The following MEGF9 variants were observed in gnomAD, a reference collection of about 807,000 sequenced individuals.
MEGF9 encodes multiple epidermal growth factor-like domains protein 9.
A neutral mutation model predicts 46.8 loss-of-function variants in MEGF9; 6 were observed. That is an observed-to-expected ratio of 0.13 (90% confidence interval 0.07 to 0.25). The LOEUF is 0.25. Ranked by LOEUF, MEGF9 falls within the 10% of genes least tolerant of loss-of-function variation. The probability of loss-of-function intolerance (pLI) is 1.00; values close to 1 mark genes in which losing one functional copy is unlikely to be tolerated. For synonymous variants in MEGF9, 302 were observed against 330.7 expected (o/e 0.91, Z 0.94); for missense variants, 683 against 792.4 (o/e 0.86, Z 1.66).
intron 2 of MEGF9, among the ~76,000 whole-genome samples, chr9:120,640,383 A>C (rs978393089): frequency 1.3e-4 from 20 of 151,892 alleles, no homozygotes; most frequent in African/African-American, 4.8e-4. Context: ...GCCTAGCCAC[A>C]CTATCTGAAA....
intron 1 of MEGF9, among the ~76,000 whole-genome samples, chr9:120,688,585 T>C (rs2043834740): frequency 6.6e-6 from 1 of 152,220 alleles, no homozygotes; most frequent in Admixed American, 6.5e-5. Context: ...CACAATTAGT[T>C]ACTTAAATAG....
chr9:120,691,417 T>G (rs1453814959), intron 1 of MEGF9: 1 of 489,370 alleles, frequency 2.0e-6, no homozygotes, highest in Admixed American at 2.3e-5. Context: ...TACGTTACTC[T>G]CACAGGCATA....
At chr9:120,680,861 C>G (rs1182468146) in intron 1 of MEGF9, among the ~76,000 whole-genome samples, 1 of 152,140 alleles carries the variant, frequency 6.6e-6, no homozygotes, top group Non-Finnish European at 1.5e-5. Context: ...ATTTAAGGCC[C>G]AAGGGCTCTT....
Position 120,614,377 on chromosome 9 carries a change from A to G in MEGF9, c.944-1838T>C, listed in dbSNP as rs560694670. ...GATACCTTCAAAAGTTTATGTGAAC[A>G]CTTAACATTAAATCAAACTTGTATG... On this transcript the variant is annotated intron_variant, in intron 3 of 5. Coordinates refer to ENST00000373930, the MANE Select transcript of MEGF9 (RefSeq NM_001080497.3). Among the ~76,000 whole-genome samples the G allele has an allele frequency of 3.3e-5, 5 of 152,332 alleles. No homozygotes were observed. In the South Asian group the frequency reaches 8.3e-4, roughly 25 times the overall value.
chr9:120,642,906 C>A (rs564455307), intron 2 of MEGF9, among the ~76,000 whole-genome samples: 20 of 152,204 alleles, frequency 1.3e-4, no homozygotes, highest in African/African-American at 4.3e-4. Flanking sequence ...GTAGAAAACC[C>A]CAAACTGAAA....
chr9:120,697,543 T>C (rs1403553140), intron 1 of MEGF9, among the ~76,000 whole-genome samples: 1 of 152,192 alleles, frequency 6.6e-6, no homozygotes, highest in Non-Finnish European at 1.5e-5. Context: ...TTTCACAGTA[T>C]GTGGTATTAC....
chr9:120,621,755 C>A (rs574116816), intron 3 of MEGF9, among the ~76,000 whole-genome samples: 1 of 152,096 alleles, frequency 6.6e-6, no homozygotes, highest in African/African-American at 2.4e-5. Flanking sequence ...ATAAAAGAAC[C>A]AGAGAGGGCT....
At position 120,639,915 on chromosome 9, in the gene MEGF9, G is replaced by A. The variant is rs1356012038; in HGVS notation, c.804-17160C>T. ...TAATAGATAGCCAAAACTCTAGTAC[G>A]ATTCATTGATAAATCCACCCTTTAT... On this transcript the variant is annotated intron_variant, in intron 2 of 5. Coordinates refer to ENST00000373930, the MANE Select transcript of MEGF9 (RefSeq NM_001080497.3). 2.6e-5 allele frequency among the ~76,000 whole-genome samples: 4 copies of A among 152,070 alleles called. No homozygotes were observed. The South Asian group carries it at 6.2e-4, about 24-fold the overall frequency.
At chr9:120,654,180 T>G (rs1007948386) in intron 2 of MEGF9, among the ~76,000 whole-genome samples, 4 of 152,148 alleles carry the variant, frequency 2.6e-5, no homozygotes, top group Non-Finnish European at 1.5e-5. Context: ...CTTCCAGATT[T>G]CACTTAGAAG....
At position 120,713,813 on chromosome 9, in the gene MEGF9, G is replaced by A; in HGVS notation, c.546C>T (p.Asn182=). The A allele has an allele frequency of 7.7e-7, 1 of 1,298,908 alleles. No individual in the cohort carries two copies. Among genetic ancestry groups the A allele is most frequent in the Non-Finnish European group, 9.8e-7 (1 of 1,022,696 alleles). The allele number at this position is 1,298,908 out of a possible 1,614,324, so 80.5% of individuals were successfully genotyped here. A position where few individuals can be genotyped will look rare whatever the true frequency, so the allele number is the denominator to read the frequency against. The change falls in exon 1 of 6, where the codon AAC becomes AAT. Residue 182 remains asparagine, a synonymous_variant. Transcript: ENST00000373930. ...CAGGTGGGGTGGGGAGGACGCTGCT[G>A]TTGCTGCTGCTGGGGAGATCGGGGG... The part of the protein sequence containing the change: ...TPTPDLPSSS[N]SSVLPTPPAT...
At position 120,604,181 on chromosome 9, in the gene MEGF9, ACT is replaced by A. The variant is rs1303469240; in HGVS notation, c.*1007_*1008del. On this transcript the variant is annotated 3_prime_UTR_variant, in exon 6 of 6. Transcript: ENST00000373930. Reference sequence around the variant, plus strand: ...ATCATAGTAAGTCAAAGAGCATATAACTCTACTTTTAGACTGAGAAAGGAAAG... The same window carrying A: ...ATCATAGTAAGTCAAAGAGCATATAACTACTTTTAGACTGAGAAAGGAAAG... 1.3e-5 allele frequency: 2 copies of A among 152,570 alleles called. No homozygotes were observed. Among genetic ancestry groups the A allele is most frequent in the African/African-American group, 4.8e-5 (2 of 41,436 alleles). The allele number at this position is 152,570 out of a possible 1,614,324, so 9.5% of individuals were successfully genotyped here. A position where few individuals can be genotyped will look rare whatever the true frequency, so the allele number is the denominator to read the frequency against.
intron 1 of MEGF9, among the ~76,000 whole-genome samples, chr9:120,664,923 G>A (rs368228139): frequency 5.9e-5 from 9 of 152,176 alleles, no homozygotes; most frequent in South Asian, 2.1e-4. Context: ...TATGCAATGC[G>A]GAGTGATATT....
intron 1 of MEGF9, among the ~76,000 whole-genome samples, chr9:120,701,198 C>T (rs10984984): frequency 0.056 from 8,532 of 151,424 alleles, 316 homozygotes; most frequent in Middle Eastern, 0.088. Flanking sequence ...GTTAACAATG[C>T]TACTACTTCT....
intron 1 of MEGF9, among the ~76,000 whole-genome samples, chr9:120,662,088 T>C (rs1045007548): frequency 6.6e-6 from 1 of 152,232 alleles, no homozygotes; most frequent in Non-Finnish European, 1.5e-5. Flanking sequence ...TGAGTCAATG[T>C]TCCCAATGAG....
intron 1 of MEGF9, among the ~76,000 whole-genome samples, chr9:120,681,865 G>A (rs2043800075): frequency 6.6e-6 from 1 of 152,228 alleles, no homozygotes; most frequent in African/African-American, 2.4e-5. Context: ...GGCCACAGTA[G>A]AGGAAGATTA....
intron 1 of MEGF9, among the ~76,000 whole-genome samples, chr9:120,665,582 T>C (rs111661474): frequency 6.6e-6 from 1 of 152,204 alleles, no homozygotes; most frequent in East Asian, 1.9e-4. Flanking sequence ...TATTTATCTT[T>C]CTGTGCCTTA....
At chr9:120,623,332 T>G (rs1385480305) in intron 2 of MEGF9, among the ~76,000 whole-genome samples, 1 of 152,212 alleles carries the variant, frequency 6.6e-6, no homozygotes, top group Non-Finnish European at 1.5e-5. Flanking sequence ...ACCATCTATA[T>G]AGGTCCTGAC....
At position 120,605,188 on chromosome 9, in the gene MEGF9, C is replaced by T. The variant is rs752563123; in HGVS notation, c.*2G>A. The stretch of plus-strand genomic sequence containing the variant: ...TTAACAATTCAGAACAGTTCTAGCT[C>T]CTTAGGCTTTGTAGTTATGTATGGG... On this transcript the variant is annotated 3_prime_UTR_variant, in exon 6 of 6. Transcript: ENST00000373930. The surrounding 1 kb of genome is among the most constrained non-coding windows in gnomAD (Gnocchi z 4.0). 6.2e-7 allele frequency: 1 copy of T among 1,610,422 alleles called. No homozygotes were observed. Among genetic ancestry groups the T allele is most frequent in the Non-Finnish European group, 8.5e-7 (1 of 1,177,920 alleles).
intron 3 of MEGF9, among the ~76,000 whole-genome samples, chr9:120,613,813 T>C (rs776602823): frequency 2.0e-5 from 3 of 152,204 alleles, no homozygotes; most frequent in Non-Finnish European, 4.4e-5. Context: ...TCTAGGAAGA[T>C]AATGACATTT....
Sources: allele counts gnomAD v4.1 joint callset (sites outside exome capture counted in the v4.1 genomes callset), GRCh38; gene constraint gnomAD v4.1.1; non-coding constraint Gnocchi (gnomAD v3.1); transcripts MANE v1.5; gene names NCBI Gene and HGNC (gene_info 2026-07-23, HGNC 2026-07-21).